HRH4: variants seen among roughly 807,000 people sequenced by gnomAD.
HRH4 encodes the protein histamine receptor H4, also known as histamine H4 receptor.
In HRH4, 12 loss-of-function variants were observed where a neutral mutation model predicts 10.4. The observed-to-expected ratio is 1.15, with a 90% CI of 0.74 to 1.87. HRH4 has a LOEUF of 1.87. Among genes scored for constraint, HRH4 ranks in the 40% most tolerant of loss-of-function variants. The pLI is 0.00. For synonymous variants in HRH4, 154 were observed against 166.6 expected, an observed-to-expected ratio of 0.92 and a Z score of 0.58; for missense variants, 415 against 453.3, an observed-to-expected ratio of 0.92 and a Z score of 0.77.
intron 1 of HRH4, among the ~76,000 whole-genome samples, chr18:24,463,577 A>T (rs1362290190): frequency 6.6e-6 from 1 of 152,148 alleles, no homozygotes; most frequent in East Asian, 1.9e-4. Context: ...TTAGCCATTG[A>T]TTCTTAACAT....
intron 1 of HRH4, among the ~76,000 whole-genome samples, chr18:24,466,751 C>G (rs1042982587): frequency 4.6e-5 from 7 of 151,982 alleles, no homozygotes; most frequent in Non-Finnish European, 1.0e-4. Flanking sequence ...ATTTGGTTCT[C>G]ATGAAAAAAT....
intron 1 of HRH4, among the ~76,000 whole-genome samples, chr18:24,468,184 T>G (rs955031309): frequency 6.6e-6 from 1 of 151,976 alleles, no homozygotes; most frequent in Admixed American, 6.6e-5. Flanking sequence ...CCTATGTACA[T>G]CCTCCCATAT....
intron 1 of HRH4, among the ~76,000 whole-genome samples, chr18:24,466,955 T>C (rs752421896): frequency 4.6e-5 from 7 of 152,346 alleles, no homozygotes; most frequent in Non-Finnish European, 8.8e-5. Context: ...GTTTCTATGC[T>C]GGGCTGAATC....
At chr18:24,463,187 T>C (rs920825233) in intron 1 of HRH4, among the ~76,000 whole-genome samples, 6 of 152,150 alleles carry the variant, frequency 3.9e-5, no homozygotes, top group Admixed American at 6.5e-5. Context: ...CTTTGGAAAA[T>C]GGCCCTGCAG....
At chr18:24,470,425 A>G (rs1386747050) in intron 2 of HRH4, among the ~76,000 whole-genome samples, 1 of 151,938 alleles carries the variant, frequency 6.6e-6, no homozygotes, top group African/African-American at 2.4e-5. Flanking sequence ...TAGATGATAT[A>G]TACAAAAGTG....
At chr18:24,474,898 C>A (rs1234098416) in intron 2 of HRH4, among the ~76,000 whole-genome samples, 3 of 152,004 alleles carry the variant, frequency 2.0e-5, no homozygotes, top group Non-Finnish European at 4.4e-5. Context: ...GTTGGCCAGG[C>A]TGGTCTCGAT....
chr18:24,469,874 C>T (rs1909888419), intron 2 of HRH4, among the ~76,000 whole-genome samples: 1 of 152,136 alleles, frequency 6.6e-6, no homozygotes, highest in Non-Finnish European at 1.5e-5. Flanking sequence ...GGAATGAGCA[C>T]AGTATCTGAT....
At position 24,462,156 on chromosome 18, in the gene HRH4, G is replaced by A. The variant is rs1599773655; in HGVS notation, c.193+1235G>A. 9.2e-5 allele frequency among the ~76,000 whole-genome samples: 14 copies of A among 152,284 alleles called. 1 individual carries two copies. In the South Asian group the frequency reaches 2.9e-3, roughly 32 times the overall value. On this transcript the variant is annotated intron_variant, in intron 1 of 2. Coordinates refer to ENST00000256906, the MANE Select transcript of HRH4 (RefSeq NM_021624.4). Reference sequence around the variant, plus strand: ...TCCAAGAATGAGCAAAGGCATGCTGGTAGAAAATCATTGTGCTTATCTTCC... The same window carrying A: ...TCCAAGAATGAGCAAAGGCATGCTGATAGAAAATCATTGTGCTTATCTTCC...
rs1043359718 is a variant in HRH4 at position 24,477,496 on chromosome 18, C to A, written c.1107C>A (p.Phe369Leu). The A allele has an allele frequency of 1.6e-5, 25 of 1,609,658 alleles. No homozygotes were observed. The highest frequency in any genetic ancestry group is 2.1e-5 in the Non-Finnish European group (25 of 1,178,092). ...PLCHKRFQKAFLKIFCIKKQP... is the reference protein window; with the variant it reads ...PLCHKRFQKALLKIFCIKKQP... ...GTCACAAGCGCTTTCAAAAGGCTTT[C>A]TTGAAAATATTTTGTATAAAAAAGC... Residue 369 changes from phenylalanine to leucine, a missense_variant, in exon 3 of 3, where the codon TTC (phenylalanine) becomes TTA (leucine). By Grantham distance (22) the Phe-to-Leu change is conservative. Coordinates refer to ENST00000256906, the MANE Select transcript of HRH4 (RefSeq NM_021624.4).
In HRH4 at chr18:24,478,193, A is replaced by C; in HGVS notation, c.*631A>C. 2 of 152,368 alleles carry C rather than the reference A, an allele frequency of 1.3e-5. No individual in the cohort carries two copies. 9.4% of individuals were successfully genotyped at this position (152,368 alleles called of 1,614,324 possible). On this transcript the variant is annotated 3_prime_UTR_variant, in exon 3 of 3. Transcript: ENST00000256906. ...CCTGGTGGTCACAGGATCAGAAGGC[A>C]AGGGATAGGCAGTGGTCACCAATGG... is the stretch of plus-strand genomic sequence containing the variant.
At chr18:24,475,466 A>G (rs1217813821) in intron 2 of HRH4, among the ~76,000 whole-genome samples, 1 of 152,180 alleles carries the variant, frequency 6.6e-6, no homozygotes, top group Non-Finnish European at 1.5e-5. Context: ...TCTACAAATA[A>G]CAAAAAAATT....
At position 24,460,732 on chromosome 18, in the gene HRH4, C is replaced by G. The variant is rs1280694062; in HGVS notation, c.4C>G (p.Pro2Ala). 2.0e-6 allele frequency: 3 copies of G among 1,507,328 alleles called. No homozygotes were observed. The African/African-American group carries it at 4.1e-5, about 21-fold the overall frequency. The allele number at this position is 1,507,328 out of a possible 1,614,324, so 93.4% of individuals were successfully genotyped here. The part of the protein sequence containing the change: M[P>A]DTNSTINLSL... ...ACCTTCTTCATCATTTGATGTGATG[C>G]CAGATACTAATAGCACAATCAATTT... Residue 2 changes from proline to alanine, a missense_variant, in exon 1 of 3, where the codon CCA becomes GCA. Physicochemically the swap from Pro to Ala is conservative, Grantham distance 27 (BLOSUM62 -1). Coordinates refer to ENST00000256906, the MANE Select transcript of HRH4 (RefSeq NM_021624.4).
At position 24,477,600 on chromosome 18, in the gene HRH4, C is replaced by T. The variant is rs761373986; in HGVS notation, c.*38C>T. The stretch of plus-strand genomic sequence containing the variant: ...CACCTCTGTAAATTTTAGTCTCAAT[C>T]TCACCTAAATGAATCAGGTCTGCCC... On this transcript the variant is annotated 3_prime_UTR_variant, in exon 3 of 3. Coordinates refer to ENST00000256906, the MANE Select transcript of HRH4 (RefSeq NM_021624.4). The T allele has an allele frequency of 2.1e-6, 3 of 1,400,728 alleles. No homozygotes were observed. In the East Asian group the frequency reaches 6.9e-5, roughly 32 times the overall value. 86.8% of individuals were successfully genotyped at this position (1,400,728 alleles called of 1,614,324 possible).
At chr18:24,461,043 G>A (rs1909625067) in intron 1 of HRH4, 122 bp downstream of exon 1, 4 of 697,064 alleles carry the variant, frequency 5.7e-6, no homozygotes, top group East Asian at 2.7e-5. Flanking sequence ...AACACAAAAA[G>A]TTTAAGTATT....
intron 1 of HRH4, 39 bp from the exon 2 acceptor site, chr18:24,468,749 T>A (rs775359482): frequency 5.1e-6 from 8 of 1,563,692 alleles, no homozygotes; most frequent in African/African-American, 2.7e-5. Context: ...TGTTCATTGA[T>A]GTGCGCTATG....
Position 24,460,639 on chromosome 18 carries a change from A to G in HRH4, c.-90A>G. 2 of 724,484 alleles carry G rather than the reference A, an allele frequency of 2.8e-6. No homozygotes were observed. The highest frequency in any genetic ancestry group is 2.2e-6 in the Non-Finnish European group (1 of 462,804). The allele number at this position is 724,484 out of a possible 1,614,324, so 44.9% of individuals were successfully genotyped here. ...AGTGTTGTTTTGAGTGGAAGACTAC[A>G]CATTTTAGGTATGTGATTAGAAAAC... On this transcript the variant is annotated 5_prime_UTR_variant, in exon 1 of 3. Transcript: ENST00000256906.
chr18:24,463,332 C>T (rs1223488299), intron 1 of HRH4, among the ~76,000 whole-genome samples: 1 of 152,220 alleles, frequency 6.6e-6, no homozygotes, highest in Non-Finnish European at 1.5e-5. Context: ...CTGCCAGCCT[C>T]ATCCCTCACA....
In HRH4 at chr18:24,477,699, A is replaced by C. The variant is rs930537453; in HGVS notation, c.*137A>C. 1 of 582,980 alleles carries C rather than the reference A, an allele frequency of 1.7e-6. No homozygotes were observed. The highest frequency in any genetic ancestry group is 1.9e-5 in the African/African-American group (1 of 53,994). The allele number at this position is 582,980 out of a possible 1,614,324, so 36.1% of individuals were successfully genotyped here. A position where few individuals can be genotyped will look rare whatever the true frequency, so the allele number is the denominator to read the frequency against. On this transcript the variant is annotated 3_prime_UTR_variant, in exon 3 of 3. Transcript: ENST00000256906. ...ATGGTAAATTACTCCAGTGAATAAT[A>C]GCAGTATAATATGACTTGATAATAT...
rs1287679870 is a variant in HRH4 at position 24,460,933 on chromosome 18, G to C, written c.193+12G>C. The C allele has an allele frequency of 1.7e-5, 25 of 1,496,118 alleles. No homozygotes were observed. Among genetic ancestry groups the C allele is most frequent in the Non-Finnish European group, 2.2e-5 (24 of 1,100,272 alleles). The allele number at this position is 1,496,118 out of a possible 1,614,324, so 92.7% of individuals were successfully genotyped here. A position where few individuals can be genotyped will look rare whatever the true frequency, so the allele number is the denominator to read the frequency against. ...TGACTTCTTTGTGGGTAAGTTATAT[G>C]TCTTTATTTAAGACAGTCTTTTCCG... On this transcript the variant is annotated intron_variant, in intron 1 of 2. Transcript: ENST00000256906.
Sources: allele counts gnomAD v4.1 joint callset (sites outside exome capture counted in the v4.1 genomes callset), GRCh38; gene constraint gnomAD v4.1.1; transcripts MANE v1.5; gene names NCBI Gene and HGNC (gene_info 2026-07-23, HGNC 2026-07-21).